The following CLIP2 variants were observed in gnomAD, a reference collection of about 807,000 sequenced individuals.
CLIP2 encodes the protein CAP-Gly domain containing linker protein 2.
A neutral mutation model predicts 111.7 loss-of-function variants in CLIP2; 41 were observed. That is an observed-to-expected ratio of 0.37 (90% CI 0.29 to 0.48). The LOEUF (loss-of-function observed/expected upper bound fraction) is 0.48, where lower values mean the gene tolerates loss of function less well. CLIP2 is among the 20% of genes least tolerant of loss of function. The pLI is 0.99. For synonymous variants in CLIP2, 660 were observed against 644.2 expected, an observed-to-expected ratio of 1.02 and a Z score of -0.37; for missense variants, 1,160 against 1,422.1, an observed-to-expected ratio of 0.82 and a Z score of 2.96.
chr7:74,388,062 G>A (rs1393783153), intron 12 of CLIP2, among the ~76,000 whole-genome samples: 46 of 152,012 alleles, frequency 3.0e-4, no homozygotes, highest in Non-Finnish European at 7.4e-5. Flanking sequence ...GGGCATGGTG[G>A]CTCATGCCTG....
chr7:74,314,226 C>T (rs1788712786), intron 1 of CLIP2, among the ~76,000 whole-genome samples: 1 of 150,038 alleles, frequency 6.7e-6, no homozygotes, highest in African/African-American at 2.4e-5. Context: ...TGCGGTGGCT[C>T]ATGCCTGTAA....
intron 2 of CLIP2, among the ~76,000 whole-genome samples, chr7:74,324,343 T>C (rs545613339): frequency 6.6e-6 from 1 of 152,158 alleles, no homozygotes; most frequent in Non-Finnish European, 1.5e-5. Context: ...CTCATCTTAT[T>C]GCATCCTATG....
chr7:74,303,127 C>A (rs374443631), intron 1 of CLIP2, among the ~76,000 whole-genome samples: 4 of 152,168 alleles, frequency 2.6e-5, no homozygotes, highest in Admixed American at 6.5e-5. Flanking sequence ...CAGGTTCCGC[C>A]TCAGAGCCGG....
At chr7:74,388,998 A>C (rs914312790) in intron 12 of CLIP2, 105 bp from the exon 13 acceptor site, 1 of 1,378,076 alleles carries the variant, frequency 7.3e-7, no homozygotes, top group Non-Finnish European at 9.8e-7. Context: ...TGTCACCTTC[A>C]TCCCCTGGGA....
chr7:74,381,697 A>G lies in CLIP2; in HGVS notation c.2479+834A>G. On this transcript the variant is annotated intron_variant, in intron 11 of 16. Transcript: ENST00000223398. ...TTCTTTCAGCTCCTTCATTTATTCCATTTAACAATGTATCTTGGAGAGGGT... is the reference window on the plus strand; with the variant it reads ...TTCTTTCAGCTCCTTCATTTATTCCGTTTAACAATGTATCTTGGAGAGGGT... 8 of 450,222 alleles carry G rather than the reference A, an allele frequency of 1.8e-5. 1 individual carries two copies. The highest frequency in any genetic ancestry group is 1.3e-4 in the South Asian group (8 of 62,954). 27.9% of individuals were successfully genotyped at this position (450,222 alleles called of 1,614,324 possible). A position where few individuals can be genotyped will look rare whatever the true frequency, so the allele number is the denominator to read the frequency against.
chr7:74,383,710 T>C (rs1791006329), intron 11 of CLIP2, among the ~76,000 whole-genome samples: 1 of 152,122 alleles, frequency 6.6e-6, no homozygotes, highest in Non-Finnish European at 1.5e-5. Context: ...TTTGGTGGCT[T>C]ACACCTGTAA....
At position 74,317,488 on chromosome 7, in the gene CLIP2, A is replaced by G; in HGVS notation, c.-59A>G. 1.5e-6 allele frequency: 2 copies of G among 1,339,786 alleles called. No homozygotes were observed. The highest frequency in any genetic ancestry group is 1.9e-6 in the Non-Finnish European group (2 of 1,037,644). The allele number at this position is 1,339,786 out of a possible 1,614,324, so 83.0% of individuals were successfully genotyped here. On this transcript the variant is annotated 5_prime_UTR_variant, in exon 2 of 17. Transcript: ENST00000223398. ...CCTGTCTCTGCCCGCAGGTGAGTGA[A>G]GATGGCAGAGAGGACGTGACCAGCA... is the stretch of plus-strand genomic sequence containing the variant.
chr7:74,313,519 C>T (rs1427046642), intron 1 of CLIP2, among the ~76,000 whole-genome samples: 27 of 151,332 alleles, frequency 1.8e-4, no homozygotes, highest in Admixed American at 1.7e-3. Flanking sequence ...GAGATTGCGC[C>T]ACTGCACTCC....
intron 2 of CLIP2, among the ~76,000 whole-genome samples, chr7:74,335,065 A>T (rs1789410212): frequency 6.6e-6 from 1 of 151,984 alleles, no homozygotes; most frequent in African/African-American, 2.4e-5. Flanking sequence ...GGCCTGAGTG[A>T]CCTTACCCTC....
At chr7:74,384,511 T>C (rs1554314489) in intron 11 of CLIP2, among the ~76,000 whole-genome samples, 1 of 137,162 alleles carries the variant, frequency 7.3e-6, no homozygotes. Context: ...AGTGGTGCAA[T>C]CTTGGCTCAC....
chr7:74,312,343 G>T (rs1337814294), intron 1 of CLIP2, among the ~76,000 whole-genome samples: 1 of 152,116 alleles, frequency 6.6e-6, no homozygotes, highest in Non-Finnish European at 1.5e-5. Context: ...CTGGTGGGGG[G>T]GCGGGGGTCA....
At chr7:74,384,385 C>T (rs1791025377) in intron 11 of CLIP2, among the ~76,000 whole-genome samples, 1 of 151,320 alleles carries the variant, frequency 6.6e-6, no homozygotes, top group South Asian at 2.1e-4. Flanking sequence ...TTGTTAAGTA[C>T]CTGTTTTCAG....
rs1441603717 is a variant in CLIP2 at position 74,335,877 on chromosome 7, C to T, written c.122-2571C>T. Among the ~76,000 whole-genome samples the T allele has an allele frequency of 8.7e-5, 13 of 149,570 alleles. No individual in the cohort carries two copies. The East Asian group carries it at 1.2e-3, about 14-fold the overall frequency. On this transcript the variant is annotated intron_variant, in intron 2 of 16. Coordinates refer to ENST00000223398, the MANE Select transcript of CLIP2 (RefSeq NM_003388.5). ...CCTGCCTCAGCCTCCTGAGTAGCTG[C>T]GACTACAGGCGCCCACCACCACGCC... is the stretch of plus-strand genomic sequence containing the variant.
At chr7:74,362,517 C>A (rs371417236) in intron 7 of CLIP2, among the ~76,000 whole-genome samples, 1 of 137,874 alleles carries the variant, frequency 7.3e-6, no homozygotes, top group Admixed American at 8.1e-5. Context: ...ATCTTTTTTT[C>A]TTTTTCTTTT....
At position 74,289,600 on chromosome 7, in the gene CLIP2, G is replaced by A. The variant is rs1037226385; in HGVS notation, c.-202G>A. On this transcript the variant is annotated 5_prime_UTR_variant, in exon 1 of 17. Transcript: ENST00000223398. ...TCGCGGGGATCCCCGGCGCCAGGAG[G>A]GGGTGCAGCCGGTGGGCAGCGCCGC... 1.3e-5 allele frequency: 2 copies of A among 152,054 alleles called. No homozygotes were observed. The highest frequency in any genetic ancestry group is 2.4e-5 in the African/African-American group (1 of 41,532). The allele number at this position is 152,054 out of a possible 1,614,324, so 9.4% of individuals were successfully genotyped here.
intron 15 of CLIP2, 70 bp downstream of exon 15, chr7:74,400,625 T>C: frequency 7.1e-7 from 1 of 1,406,924 alleles, no homozygotes; most frequent in South Asian, 1.5e-5. Flanking sequence ...CCCCGTCTGA[T>C]GCGGGAGGCA....
Position 74,400,224 on chromosome 7 carries a change from C to T in CLIP2, c.2881-146C>T, listed in dbSNP as rs567322564. 4 of 594,922 alleles carry T rather than the reference C, an allele frequency of 6.7e-6. No individual in the cohort carries two copies. In the African/African-American group the frequency reaches 7.5e-5, roughly 11 times the overall value. 36.9% of individuals were successfully genotyped at this position (594,922 alleles called of 1,614,324 possible). ...CACTTGGAGACCATGGAGCACCTCACAGAGGCCTGAGGGACCTCTGGGTGA... is the reference window on the plus strand; with the variant it reads ...CACTTGGAGACCATGGAGCACCTCATAGAGGCCTGAGGGACCTCTGGGTGA... On this transcript the variant is annotated intron_variant, in intron 14 of 16. Transcript: ENST00000223398.
intron 1 of CLIP2, among the ~76,000 whole-genome samples, chr7:74,314,945 G>A (rs1481595133): frequency 6.6e-6 from 1 of 152,176 alleles, no homozygotes; most frequent in Admixed American, 6.5e-5. Context: ...TTTGTAAAGC[G>A]CTGGTGCTCC....
intron 2 of CLIP2, among the ~76,000 whole-genome samples, chr7:74,323,195 C>T (rs1789012139): frequency 6.6e-6 from 1 of 151,718 alleles, no homozygotes; most frequent in South Asian, 2.1e-4. Context: ...ACTGCAGCCT[C>T]GACCTCCTGG....
Sources: allele counts gnomAD v4.1 joint callset (sites outside exome capture counted in the v4.1 genomes callset), GRCh38; gene constraint gnomAD v4.1.1; transcripts MANE v1.5; gene names NCBI Gene and HGNC (gene_info 2026-07-23, HGNC 2026-07-21).